WDR19: variants seen among roughly 807,000 people sequenced by gnomAD.
The protein encoded by WDR19 is WD repeat domain 19.
WDR19 carries 121 observed loss-of-function variants against 180.0 expected under a neutral mutation model. The ratio of observed to expected loss-of-function variants is 0.67; its 90% confidence interval spans 0.58 to 0.78. The LOEUF is 0.78. Ranked by LOEUF, WDR19 falls within the 30% of genes least tolerant of loss-of-function variation. The probability of loss-of-function intolerance (pLI) is 0.00; values close to 1 mark genes in which losing one functional copy is unlikely to be tolerated. For missense variants in WDR19, 1,450 were observed against 1,640.7 expected (o/e 0.88, Z 2.01); for synonymous variants, 497 against 540.7 (o/e 0.92, Z 1.12).
intron 9 of WDR19, among the ~76,000 whole-genome samples, chr4:39,207,343 G>A (rs1728063273): frequency 1.3e-5 from 2 of 152,180 alleles, no homozygotes; most frequent in Non-Finnish European, 2.9e-5. Flanking sequence ...AAAAGGTCTA[G>A]TATTTGTGTC....
Position 39,232,373 on chromosome 4 carries a change from C to G in WDR19, c.2253+101C>G. On this transcript the variant is annotated intron_variant, in intron 19 of 36. Transcript: ENST00000399820. ...GGTGCAGCCGCTCACGCCTCTAATT[C>G]CAGCACTTTGGGAGGCCAAGGTGGA... 3.1e-6 allele frequency: 3 copies of G among 976,540 alleles called. No individual in the cohort carries two copies. In the South Asian group the frequency reaches 4.9e-5, roughly 16 times the overall value. The allele number at this position is 976,540 out of a possible 1,614,324, so 60.5% of individuals were successfully genotyped here.
intron 9 of WDR19, among the ~76,000 whole-genome samples, chr4:39,212,287 A>G (rs1728625811): frequency 6.6e-6 from 1 of 152,244 alleles, no homozygotes; most frequent in Non-Finnish European, 1.5e-5. Flanking sequence ...CAAATGAAAA[A>G]AAAATTTTCG....
intron 14 of WDR19, among the ~76,000 whole-genome samples, chr4:39,222,361 T>C (rs1045737483): frequency 6.6e-6 from 1 of 152,190 alleles, no homozygotes; most frequent in South Asian, 2.1e-4. Context: ...AGCGCACAGA[T>C]TGTATTTTTA....
chr4:39,186,666 A>ATC, intron 3 of WDR19, 62 bp downstream of exon 3: 1 of 1,132,838 alleles, frequency 8.8e-7, no homozygotes, highest in Non-Finnish European at 1.2e-6. Context: ...GATTAAAAAA[A>ATC]TACTGCCTTA....
chr4:39,255,941 T>C lies in WDR19; in HGVS notation c.3095T>C (p.Leu1032Pro). 4 of 1,590,736 alleles carry C rather than the reference T, an allele frequency of 2.5e-6. No individual in the cohort carries two copies. Among genetic ancestry groups the C allele is most frequent in the Non-Finnish European group, 3.4e-6 (4 of 1,169,514 alleles). ...RYLQAGKFFL[L>P]CGQYSRALKH... ...CTTCAGGCTGGAAAATTCTTCTTGC[T>C]GTGTGGCCAATATTCACGAGTTAGT... Residue 1032 changes from leucine to proline, a missense_variant, in exon 27 of 37, where the codon CTG becomes CCG. Transcript: ENST00000399820.
intron 6 of WDR19, among the ~76,000 whole-genome samples, chr4:39,202,567 C>T (rs1727475656): frequency 6.6e-6 from 1 of 151,996 alleles, no homozygotes; most frequent in Admixed American, 6.6e-5. Flanking sequence ...TATGTCCCTT[C>T]TGGAGGAAAA....
intron 1 of WDR19, among the ~76,000 whole-genome samples, chr4:39,182,875 A>G (rs1725090255): frequency 1.3e-5 from 2 of 152,166 alleles, no homozygotes; most frequent in African/African-American, 2.4e-5. Context: ...AAGATACCCC[A>G]GCTTCGCACG....
At chr4:39,216,305 A>G in intron 12 of WDR19, 95 bp downstream of exon 12, 1 of 991,088 alleles carries the variant, frequency 1.0e-6, no homozygotes, top group Non-Finnish European at 1.5e-6. Flanking sequence ...CAAGTCTTTC[A>G]CTCTTTTTTA....
intron 15 of WDR19, among the ~76,000 whole-genome samples, chr4:39,226,028 T>C (rs1031300132): frequency 5.3e-5 from 8 of 152,206 alleles, no homozygotes; most frequent in African/African-American, 1.9e-4. Flanking sequence ...TTTCCTCTAC[T>C]TAATACAGAA....
chr4:39,274,992 G>C (rs371699015), intron 33 of WDR19, 34 bp downstream of exon 33: 1 of 1,575,640 alleles, frequency 6.3e-7, no homozygotes. Context: ...CTATCTAATC[G>C]TATTTCTCAA....
chr4:39,241,147 T>C (rs1731901521), intron 21 of WDR19, among the ~76,000 whole-genome samples: 1 of 152,136 alleles, frequency 6.6e-6, no homozygotes, highest in Non-Finnish European at 1.5e-5. Context: ...ATAATTGCTG[T>C]TTTTAAGTTA....
intron 14 of WDR19, among the ~76,000 whole-genome samples, chr4:39,220,436 A>G (rs1329130062): frequency 6.6e-6 from 1 of 151,252 alleles, no homozygotes; most frequent in Non-Finnish European, 1.5e-5. Context: ...GTCCTGCCTT[A>G]TCCTTCTGAG....
chr4:39,207,353 C>T (rs1417033438), intron 9 of WDR19, among the ~76,000 whole-genome samples: 1 of 152,134 alleles, frequency 6.6e-6, no homozygotes, highest in East Asian at 1.9e-4. Context: ...GTATTTGTGT[C>T]TTCGGAATCC....
At chr4:39,205,104 C>A in intron 7 of WDR19, 50 bp from the exon 8 acceptor site, 1 of 1,338,880 alleles carries the variant, frequency 7.5e-7, no homozygotes, top group Non-Finnish European at 1.0e-6. Flanking sequence ...ATGGTCTTTT[C>A]ATGAAGTACT....
chr4:39,202,064 G>T (rs1727425333), intron 6 of WDR19, among the ~76,000 whole-genome samples: 1 of 152,040 alleles, frequency 6.6e-6, no homozygotes, highest in African/African-American at 2.4e-5. Context: ...GTTATCCTTT[G>T]TCAATTCAGG....
intron 14 of WDR19, chr4:39,218,533 C>T (rs1313723610): frequency 6.5e-6 from 1 of 154,736 alleles, no homozygotes; most frequent in East Asian, 1.9e-4. Flanking sequence ...GTATAGGGCA[C>T]TTACCATGAC....
chr4:39,205,845 A>G, intron 9 of WDR19, 109 bp downstream of exon 9: 2 of 1,058,638 alleles, frequency 1.9e-6, no homozygotes, highest in Non-Finnish European at 2.6e-6. Context: ...TACAATTTAA[A>G]ACGTCTAAGA....
chr4:39,264,934 T>TC (rs1734640596), intron 28 of WDR19, among the ~76,000 whole-genome samples: 1 of 151,438 alleles, frequency 6.6e-6, no homozygotes, highest in Admixed American at 6.6e-5. Context: ...TTTTTTTTTT[T>TC]TGAGACAAAG....
chr4:39,196,305 G>T (rs1200567191), intron 5 of WDR19, among the ~76,000 whole-genome samples: 1 of 152,124 alleles, frequency 6.6e-6, no homozygotes, highest in Non-Finnish European at 1.5e-5. Context: ...CCACACTGTA[G>T]ACTCATACCT....
Sources: gnomAD v4.1 joint callset for allele counts (sites outside exome capture counted in the v4.1 genomes callset) on GRCh38, gnomAD v4.1.1 for gene constraint, MANE v1.5 for transcripts, NCBI Gene and HGNC (gene_info 2026-07-23, HGNC 2026-07-21) for gene names.